CPSF2: variants seen among roughly 807,000 people sequenced by gnomAD.
The protein encoded by CPSF2 is cleavage and polyadenylation specificity factor subunit 2.
Under a neutral mutation model 84.2 loss-of-function variants are expected in CPSF2, and 51 were observed. That is an observed-to-expected ratio of 0.61 (90% CI 0.48 to 0.77). The LOEUF (loss-of-function observed/expected upper bound fraction) is 0.77, where lower values mean the gene tolerates loss of function less well. Among genes scored for constraint, CPSF2 ranks in the 30% least tolerant of loss-of-function variants. The probability of loss-of-function intolerance (pLI) is 0.00; values close to 1 mark genes in which losing one functional copy is unlikely to be tolerated. For missense variants in CPSF2, 641 were observed against 929.4 expected (o/e 0.69, Z 4.03); for synonymous variants, 286 against 311.9 (o/e 0.92, Z 0.87).
chr14:92,145,105 T>C (rs1243013088), intron 9 of CPSF2, among the ~76,000 whole-genome samples: 1 of 152,236 alleles, frequency 6.6e-6, no homozygotes. Context: ...GCAATTGATA[T>C]AGTGGGATGG....
intron 2 of CPSF2, among the ~76,000 whole-genome samples, chr14:92,128,074 G>A (rs1248153424): frequency 6.6e-6 from 1 of 152,200 alleles, no homozygotes; most frequent in East Asian, 1.9e-4. Flanking sequence ...TGAATTTAAA[G>A]AGCAAATAGC....
chr14:92,129,801 C>T (rs1028778246), intron 2 of CPSF2, among the ~76,000 whole-genome samples: 2 of 152,142 alleles, frequency 1.3e-5, no homozygotes, highest in South Asian at 2.1e-4. Context: ...TGTGCCCAGT[C>T]TAGTGGCGCA....
rs1342866048 is a variant in CPSF2 at position 92,162,948 on chromosome 14, G to A, written c.*1204G>A. The A allele has an allele frequency of 6.6e-6, 1 of 152,210 alleles. No homozygotes were observed. The highest frequency in any genetic ancestry group is 2.4e-5 in the African/African-American group (1 of 41,514). The allele number at this position is 152,210 out of a possible 1,614,324, so 9.4% of individuals were successfully genotyped here. On this transcript the variant is annotated 3_prime_UTR_variant, in exon 16 of 16. Coordinates refer to ENST00000298875, the MANE Select transcript of CPSF2 (RefSeq NM_017437.3). ...TTTTTTTTTGAGACAGAGTCACCCA[G>A]GCTGGAGTGCAGTGGTGAGATTTTG...
At chr14:92,140,655 A>C (rs1047657951) in intron 7 of CPSF2, among the ~76,000 whole-genome samples, 8 of 151,610 alleles carry the variant, frequency 5.3e-5, no homozygotes, top group African/African-American at 1.9e-4. Flanking sequence ...GATGGTCTCG[A>C]TCTCTTGACC....
At chr14:92,148,815 A>C (rs2069175777) in intron 9 of CPSF2, among the ~76,000 whole-genome samples, 1 of 150,966 alleles carries the variant, frequency 6.6e-6, no homozygotes, top group African/African-American at 2.4e-5. Flanking sequence ...ATATATGTAG[A>C]GAGAGAGAGA....
intron 9 of CPSF2, among the ~76,000 whole-genome samples, chr14:92,145,348 C>T (rs1296648883): frequency 6.7e-6 from 1 of 149,766 alleles, no homozygotes; most frequent in Non-Finnish European, 1.5e-5. Context: ...GTCCCTACAC[C>T]ACCCCCTAAC....
chr14:92,127,467 A>G (rs1174114591), intron 2 of CPSF2, among the ~76,000 whole-genome samples: 7 of 152,222 alleles, frequency 4.6e-5, no homozygotes, highest in Non-Finnish European at 1.0e-4. Context: ...ACTTAAGCCA[A>G]TGGACATTTC....
intron 7 of CPSF2, among the ~76,000 whole-genome samples, chr14:92,139,964 T>C (rs2069054097): frequency 6.9e-6 from 1 of 143,998 alleles, no homozygotes; most frequent in South Asian, 2.3e-4. Context: ...TTTTTTTTTT[T>C]TTTTTTTTGA....
At chr14:92,132,979 T>C (rs994988143) in intron 3 of CPSF2, among the ~76,000 whole-genome samples, 1 of 152,026 alleles carries the variant, frequency 6.6e-6, no homozygotes, top group African/African-American at 2.4e-5. Context: ...TAATCCCAGC[T>C]ACTCAGGAGG....
chr14:92,160,818 G>A (rs537071235), intron 14 of CPSF2, among the ~76,000 whole-genome samples: 70 of 152,284 alleles, frequency 4.6e-4, no homozygotes, highest in Non-Finnish European at 7.9e-4. Context: ...TTATGCAAGT[G>A]GGTGAGTGAA....
rs3031765 is a variant in CPSF2, at chr14:92,169,649, A to ATTTT, written c.*7924_*7927dup. On this transcript the variant is annotated 3_prime_UTR_variant, in exon 16 of 16. Coordinates refer to ENST00000298875, the MANE Select transcript of CPSF2 (RefSeq NM_017437.3). ...ATTCTTAAGGTTTTTCTTATATGTGATTTTTTTTTTTTTTTTTTTTTTGAG... is the reference window on the plus strand; with the variant it reads ...ATTCTTAAGGTTTTTCTTATATGTGATTTTTTTTTTTTTTTTTTTTTTTTTTGAG... 2 of 126,958 alleles carry ATTTT rather than the reference A, an allele frequency of 1.6e-5. No individual in the cohort carries two copies. Among genetic ancestry groups the ATTTT allele is most frequent in the Non-Finnish European group, 1.6e-5 (1 of 61,326 alleles). 7.9% of individuals were successfully genotyped at this position (126,958 alleles called of 1,614,324 possible).
At chr14:92,152,645 G>A (rs775586007) in intron 9 of CPSF2, among the ~76,000 whole-genome samples, 3 of 148,284 alleles carry the variant, frequency 2.0e-5, no homozygotes, top group African/African-American at 5.0e-5. Context: ...CACCATGTTG[G>A]CCAGGCTGGT....
intron 2 of CPSF2, 83 bp downstream of exon 2, chr14:92,126,263 G>C (rs147102975): frequency 6.6e-6 from 1 of 152,200 alleles, no homozygotes; most frequent in African/African-American, 2.4e-5. Context: ...TGAAATCTTG[G>C]TCTGTCTGCA....
chr14:92,142,876 T>C, intron 8 of CPSF2, 128 bp from the exon 9 acceptor site: 2 of 812,116 alleles, frequency 2.5e-6, no homozygotes. Context: ...AAGCTGCTTG[T>C]CAAAACAGTA....
chr14:92,140,203 C>T (rs577848097), intron 7 of CPSF2, among the ~76,000 whole-genome samples: 15 of 151,700 alleles, frequency 9.9e-5, no homozygotes, highest in African/African-American at 3.1e-4. Flanking sequence ...CCGCCCACCT[C>T]GGCCTCCCAA....
rs780644457 is a variant in CPSF2, at chr14:92,143,251, G to A, written c.1097G>A (p.Arg366His). The change falls in exon 9 of 16, where the codon CGT becomes CAT. Residue 366 changes from arginine (R) to histidine (H), a missense_variant. Arg to His is a conservative substitution (Grantham distance 29). Around this residue, in one of 2 missense-constraint regions of CPSF2, gnomAD observed 430 missense variants for 553.6 expected, o/e 0.78. Coordinates refer to ENST00000298875, the MANE Select transcript of CPSF2 (RefSeq NM_017437.3). ...TYRTTPGTLARFLIDNPSEKI... is the reference protein window; with the variant it reads ...TYRTTPGTLAHFLIDNPSEKI... Reference sequence around the variant, plus strand: ...AGAACTACTCCTGGGACTTTAGCACGTTTCCTAATTGATAATCCTTCTGAA... The same window carrying A: ...AGAACTACTCCTGGGACTTTAGCACATTTCCTAATTGATAATCCTTCTGAA... The A allele has an allele frequency of 3.4e-5, 55 of 1,610,982 alleles. No individual in the cohort carries two copies. Among genetic ancestry groups the A allele is most frequent in the Admixed American group, 3.0e-4 (18 of 59,488 alleles).
intron 2 of CPSF2, among the ~76,000 whole-genome samples, chr14:92,129,774 A>G (rs1423450352): frequency 3.3e-5 from 5 of 151,944 alleles, no homozygotes; most frequent in South Asian, 4.1e-4. Flanking sequence ...TCTAGGGTAC[A>G]CTCTAGGGTC....
rs938815425 is a variant in CPSF2 at position 92,151,433 on chromosome 14, A to G, written c.1141-2925A>G. ...AAAACAAAAAACAAGAGTGTAAGATACATAAAAAAAAAAAAAAATTAACAC... is the reference window on the plus strand; with the variant it reads ...AAAACAAAAAACAAGAGTGTAAGATGCATAAAAAAAAAAAAAAATTAACAC... On this transcript the variant is annotated intron_variant, in intron 9 of 15. Coordinates refer to ENST00000298875, the MANE Select transcript of CPSF2 (RefSeq NM_017437.3). 1.7e-4 allele frequency among the ~76,000 whole-genome samples: 24 copies of G among 142,430 alleles called. No individual in the cohort carries two copies. In the Admixed American group the frequency reaches 1.7e-3, roughly 10 times the overall value. The allele number at this position is 142,430 out of a possible 152,430, so 93.4% of individuals were successfully genotyped here.
At chr14:92,122,519 G>C (rs1286520709) in intron 1 of CPSF2, among the ~76,000 whole-genome samples, 1 of 152,194 alleles carries the variant, frequency 6.6e-6, no homozygotes, top group Admixed American at 6.5e-5. Flanking sequence ...GTTTTGGGTT[G>C]AGAGACCACG....
Sources: allele counts gnomAD v4.1 joint callset (sites outside exome capture counted in the v4.1 genomes callset), GRCh38; gene constraint gnomAD v4.1.1; regional missense constraint gnomAD v4.1.1; transcripts MANE v1.5; gene names NCBI Gene and HGNC (gene_info 2026-07-23, HGNC 2026-07-21).